The following PUM2 variants were observed in gnomAD, a reference collection of about 807,000 sequenced individuals.
PUM2 encodes the protein pumilio RNA binding family member 2.
Under a neutral mutation model 124.5 loss-of-function variants are expected in PUM2, and 57 were observed. That is an observed-to-expected ratio of 0.46 (90% CI 0.37 to 0.57). The LOEUF is 0.57. Ranked by LOEUF, PUM2 falls within the 20% of genes least tolerant of loss-of-function variation. PUM2 has a pLI of 0.00. For synonymous variants in PUM2, 460 were observed against 446.1 expected, an observed-to-expected ratio of 1.03 and a Z score of -0.39; for missense variants, 1,065 against 1,290.6, an observed-to-expected ratio of 0.83 and a Z score of 2.68.
rs1326668565 is a variant in PUM2 at position 20,255,212 on chromosome 2, A to G, written c.2748+4T>C. The G allele has an allele frequency of 6.3e-7, 1 of 1,590,430 alleles. No homozygotes were observed. Among genetic ancestry groups the G allele is most frequent in the East Asian group, 2.2e-5 (1 of 44,762 alleles). On this transcript the variant is annotated splice_donor_region_variant and intron_variant, in intron 18 of 20. Transcript: ENST00000361078. ...AACATTTCAAATTATTAGGGAATTT[A>G]TACCTGTACCAACTGCTCTGTATGT...
intron 13 of PUM2, among the ~76,000 whole-genome samples, chr2:20,277,942 A>G (rs1317428740): frequency 6.6e-6 from 1 of 152,194 alleles, no homozygotes; most frequent in East Asian, 1.9e-4. Flanking sequence ...AAAAAAGGTA[A>G]TCACCAATTT....
intron 7 of PUM2, among the ~76,000 whole-genome samples, chr2:20,299,596 A>G (rs1191049481): frequency 6.6e-6 from 1 of 152,164 alleles, no homozygotes; most frequent in East Asian, 1.9e-4. Context: ...TGAACCCAGG[A>G]GGTGGAGGTT....
rs1491157128 is a variant in PUM2, at chr2:20,315,857, AAC to A, written c.160+2678_160+2679del. Among the ~76,000 whole-genome samples the A allele has an allele frequency of 9.2e-4, 138 of 150,232 alleles. 1 individual carries two copies. The highest frequency in any genetic ancestry group is 1.6e-3 in the African/African-American group (67 of 41,028). On this transcript the variant is annotated intron_variant, in intron 3 of 20. Coordinates refer to ENST00000361078, the MANE Select transcript of PUM2 (RefSeq NM_015317.5). The stretch of plus-strand genomic sequence containing the variant: ...GTCTCAAAAAAAAAAAAAAAAAAAA[AAC>A]AAACCAAAAAACAAAGATAAAAACT...
chr2:20,296,268 G>C (rs1675512063), intron 8 of PUM2, among the ~76,000 whole-genome samples: 1 of 152,186 alleles, frequency 6.6e-6, no homozygotes, highest in South Asian at 2.1e-4. Flanking sequence ...GGCCGAGGCA[G>C]GCGGATCACA....
chr2:20,304,717 T>C (rs1349573090), intron 7 of PUM2, among the ~76,000 whole-genome samples: 1 of 152,184 alleles, frequency 6.6e-6, no homozygotes, highest in Non-Finnish European at 1.5e-5. Flanking sequence ...TAGTTTGAGA[T>C]CAGCTATATT....
intron 2 of PUM2, among the ~76,000 whole-genome samples, chr2:20,322,094 A>G (rs1166896730): frequency 1.3e-5 from 2 of 152,198 alleles, no homozygotes; most frequent in Non-Finnish European, 2.9e-5. Context: ...ACATAATCCC[A>G]AGACTTAAAA....
intron 1 of PUM2, 135 bp downstream of exon 1, chr2:20,350,462 G>C: frequency 1.0e-6 from 1 of 983,334 alleles, no homozygotes; most frequent in Non-Finnish European, 1.2e-6. Flanking sequence ...AGGCCGCACC[G>C]GCCCGGGCAC....
intron 13 of PUM2, among the ~76,000 whole-genome samples, chr2:20,264,973 C>A (rs1248823103): frequency 6.6e-6 from 1 of 151,898 alleles, no homozygotes; most frequent in Admixed American, 6.6e-5. Flanking sequence ...TATTTGAATC[C>A]CCAGCCCCAT....
In PUM2 at chr2:20,308,523, T is replaced by C. The variant is rs1439146417; in HGVS notation, c.580A>G (p.Thr194Ala). The C allele has an allele frequency of 6.2e-7, 1 of 1,614,006 alleles. No individual in the cohort carries two copies. The highest frequency in any genetic ancestry group is 8.5e-7 in the Non-Finnish European group (1 of 1,179,888). The change falls in exon 6 of 21, where the codon ACT becomes GCT. Residue 194 changes from threonine (T) to alanine (A), a missense_variant. Around this residue, in one of 3 missense-constraint regions of PUM2, gnomAD observed 968 missense variants for 1,159.8 expected, o/e 0.83. Coordinates refer to ENST00000361078, the MANE Select transcript of PUM2 (RefSeq NM_015317.5). ...TEVVERLGPN[T>A]NPSEGLGPLP... ...GGCCCCAGTCCTTCTGAGGGATTAG[T>C]ATTGGGGCCCAAGCGCTCAACTACT...
chr2:20,283,821 T>TA (rs987900946), intron 10 of PUM2, among the ~76,000 whole-genome samples: 10 of 152,124 alleles, frequency 6.6e-5, no homozygotes, highest in African/African-American at 2.4e-4. Context: ...GAAGAAGGAT[T>TA]AAAAAAACTG....
chr2:20,345,899 G>A (rs1044630531), intron 1 of PUM2, among the ~76,000 whole-genome samples: 7 of 152,136 alleles, frequency 4.6e-5, no homozygotes, highest in Admixed American at 2.0e-4. Flanking sequence ...GTATTTTAGC[G>A]TGATGAAAAG....
At chr2:20,263,972 T>C (rs372739961) in intron 13 of PUM2, among the ~76,000 whole-genome samples, 48 of 152,240 alleles carry the variant, frequency 3.2e-4, no homozygotes, top group African/African-American at 1.2e-3. Flanking sequence ...GGTATGAACT[T>C]TAAAAAGCCA....
intron 3 of PUM2, among the ~76,000 whole-genome samples, chr2:20,316,630 G>T (rs553137683): frequency 6.6e-6 from 1 of 152,140 alleles, no homozygotes; most frequent in Non-Finnish European, 1.5e-5. Context: ...ACTATGGGCC[G>T]AACAAGGTGG....
chr2:20,269,024 C>T (rs1434826618), intron 13 of PUM2, among the ~76,000 whole-genome samples: 1 of 152,028 alleles, frequency 6.6e-6, no homozygotes, highest in Non-Finnish European at 1.5e-5. Context: ...CAAGAAAGCA[C>T]AGCTAATAAT....
chr2:20,267,026 C>CTTTTTTTTTTTTT (rs373222999), intron 13 of PUM2, among the ~76,000 whole-genome samples: 4 of 142,812 alleles, frequency 2.8e-5, no homozygotes, highest in African/African-American at 1.0e-4. Flanking sequence ...ATGCCTGTAA[C>CTTTTTTTTTTTTT]TTTTTTTTTT....
At chr2:20,263,157 A>G in intron 14 of PUM2, 36 bp downstream of exon 14, 1 of 1,534,118 alleles carries the variant, frequency 6.5e-7, no homozygotes, top group Non-Finnish European at 8.9e-7. Flanking sequence ...CAATTTTCAA[A>G]GCAAAAATGA....
chr2:20,282,894 C>T, intron 12 of PUM2, 53 bp downstream of exon 12: 2 of 1,534,868 alleles, frequency 1.3e-6, no homozygotes, highest in African/African-American at 1.4e-5. Flanking sequence ...GTTAAACACA[C>T]TCATATACCT....
chr2:20,310,217 T>G (rs894864170), intron 5 of PUM2, among the ~76,000 whole-genome samples: 1 of 152,086 alleles, frequency 6.6e-6, no homozygotes, highest in Non-Finnish European at 1.5e-5. Flanking sequence ...TAACTAATAC[T>G]GTATCTAAAA....
intron 19 of PUM2, among the ~76,000 whole-genome samples, chr2:20,254,263 T>G (rs1487833259): frequency 6.6e-6 from 1 of 152,010 alleles, no homozygotes; most frequent in Non-Finnish European, 1.5e-5. Flanking sequence ...CTTGCTGAAG[T>G]GATTCTCCCA....
Sources: gnomAD v4.1 joint callset for allele counts (sites outside exome capture counted in the v4.1 genomes callset) on GRCh38, gnomAD v4.1.1 for gene constraint, gnomAD v4.1.1 regional missense constraint, MANE v1.5 for transcripts, NCBI Gene and HGNC (gene_info 2026-07-23, HGNC 2026-07-21) for gene names.